The following TNNI3K variants were observed in gnomAD, a reference collection of about 807,000 sequenced individuals.
TNNI3K encodes the protein TNNI3 interacting kinase.
In TNNI3K, 140 loss-of-function variants were observed where a neutral mutation model predicts 114.5. That is an observed-to-expected ratio of 1.22 (90% confidence interval 1.07 to 1.41). The LOEUF is 1.41. Ranked by LOEUF, TNNI3K falls within the 40% of genes most tolerant of loss-of-function variation. The pLI, the probability that TNNI3K is intolerant of heterozygous loss-of-function variation, is 0.00. For synonymous variants in TNNI3K, 347 were observed against 347.5 expected (o/e 1.00, Z 0.02); for missense variants, 1,125 against 1,007.6 (o/e 1.12, Z -1.58).
intron 5 of TNNI3K, among the ~76,000 whole-genome samples, chr1:74,291,885 C>T (rs1657698277): frequency 6.6e-6 from 1 of 151,484 alleles, no homozygotes; most frequent in Admixed American, 6.6e-5. Context: ...TGTCTCAACA[C>T]CTTTTATTAA....
chr1:74,454,325 A>G (rs543714619), intron 20 of TNNI3K, among the ~76,000 whole-genome samples: 8 of 152,220 alleles, frequency 5.3e-5, no homozygotes, highest in African/African-American at 1.9e-4. Flanking sequence ...ATTTTATCTA[A>G]CTGTACTTTT....
Position 74,370,299 on chromosome 1 carries a change from T to G in TNNI3K, c.1679T>G (p.Leu560Trp), listed in dbSNP as rs2100522840. ...TTTTTAAATTCTAGGATTCTTGATT[T>G]GCAGTCTAAATTAATTATTGCAGTA... Reference protein sequence around the residue: ...LLHEQKRILDLQSKLIIAVDV... With the variant: ...LLHEQKRILDWQSKLIIAVDV... Residue 560 changes from leucine to tryptophan, a missense_variant, in exon 17 of 25, where the codon TTG (leucine) becomes TGG (tryptophan). Leu to Trp is a moderately conservative substitution (Grantham distance 61). Transcript: ENST00000326637. 6.3e-7 allele frequency: 1 copy of G among 1,593,488 alleles called. No individual in the cohort carries two copies. The highest frequency in any genetic ancestry group is 1.3e-5 in the African/African-American group (1 of 74,196).
intron 23 of TNNI3K, among the ~76,000 whole-genome samples, chr1:74,525,453 C>T (rs1022244424): frequency 2.0e-5 from 3 of 152,132 alleles, no homozygotes; most frequent in Non-Finnish European, 4.4e-5. Flanking sequence ...CAGTCTGATT[C>T]ACACCCTGAG....
chr1:74,484,870 G>A (rs1477361924), intron 21 of TNNI3K, among the ~76,000 whole-genome samples: 1 of 152,188 alleles, frequency 6.6e-6, no homozygotes, highest in Non-Finnish European at 1.5e-5. Flanking sequence ...TTTAACTACT[G>A]AGTTGGGAAC....
intron 5 of TNNI3K, among the ~76,000 whole-genome samples, chr1:74,315,131 CAG>C (rs1227217556): frequency 1.3e-5 from 2 of 152,008 alleles, no homozygotes; most frequent in Non-Finnish European, 2.9e-5. Context: ...TATTCATGGA[CAG>C]AAATTAGGTT....
At chr1:74,340,524 G>C (rs1195976420) in intron 7 of TNNI3K, among the ~76,000 whole-genome samples, 1 of 152,084 alleles carries the variant, frequency 6.6e-6, no homozygotes, top group Admixed American at 6.6e-5. Context: ...ATTTGTCCTG[G>C]CTTGTTCCTT....
intron 17 of TNNI3K, among the ~76,000 whole-genome samples, chr1:74,379,195 C>T (rs911191289): frequency 6.6e-6 from 1 of 151,794 alleles, no homozygotes; most frequent in African/African-American, 2.4e-5. Flanking sequence ...CTCATTATGA[C>T]TATGTCCCTG....
chr1:74,271,608 A>C lies in TNNI3K; in HGVS notation c.344A>C (p.Glu115Ala). Residue 115 changes from glutamate to alanine, a missense_variant, in exon 5 of 25, where the codon GAA (glutamate) becomes GCA (alanine). Coordinates refer to ENST00000326637, the MANE Select transcript of TNNI3K (RefSeq NM_015978.3). ...TATGTTTCCTTACAGGATAATGCAG[A>C]ATTGATCACTTCTCTGCTTCACAGT... is the stretch of plus-strand genomic sequence containing the variant. ...LHLAVYKDNA[E>A]LITSLLHSGA... 1 of 1,604,642 alleles carries C rather than the reference A, an allele frequency of 6.2e-7. No individual in the cohort carries two copies. The highest frequency in any genetic ancestry group is 8.5e-7 in the Non-Finnish European group (1 of 1,174,882).
At chr1:74,460,104 C>G (rs1209052396) in intron 20 of TNNI3K, among the ~76,000 whole-genome samples, 2 of 150,014 alleles carry the variant, frequency 1.3e-5, no homozygotes, top group Non-Finnish European at 3.0e-5. Context: ...GAGACGGAGT[C>G]TTGCTCTGTC....
chr1:74,352,695 C>T (rs1208773961), intron 9 of TNNI3K, among the ~76,000 whole-genome samples: 1 of 152,162 alleles, frequency 6.6e-6, no homozygotes, highest in Non-Finnish European at 1.5e-5. Context: ...GCCTCGCTGC[C>T]ACCTTGTAGT....
chr1:74,472,115 C>A, intron 21 of TNNI3K: 2 of 717,158 alleles, frequency 2.8e-6, no homozygotes, highest in South Asian at 1.5e-5. Flanking sequence ...TGCCATGATT[C>A]ATTTGTTAAA....
intron 23 of TNNI3K, among the ~76,000 whole-genome samples, chr1:74,511,908 G>A (rs1253973531): frequency 1.3e-5 from 2 of 152,208 alleles, no homozygotes; most frequent in African/African-American, 2.4e-5. Flanking sequence ...AAAGGGTTGA[G>A]TGTGGGTAGA....
At chr1:74,362,215 T>C (rs1456628785) in intron 11 of TNNI3K, among the ~76,000 whole-genome samples, 2 of 152,168 alleles carry the variant, frequency 1.3e-5, no homozygotes, top group African/African-American at 4.8e-5. Flanking sequence ...AAGTGAGTTT[T>C]TAACATAATG....
intron 17 of TNNI3K, among the ~76,000 whole-genome samples, chr1:74,409,951 C>T (rs1362107241): frequency 2.0e-5 from 3 of 152,114 alleles, no homozygotes; most frequent in African/African-American, 7.2e-5. Context: ...CCAACTGATT[C>T]AGTGATTACT....
chr1:74,497,980 G>C (rs548209151), intron 23 of TNNI3K, among the ~76,000 whole-genome samples: 3 of 152,156 alleles, frequency 2.0e-5, no homozygotes, highest in Non-Finnish European at 2.9e-5. Context: ...ACTGTGGGAG[G>C]CTTTTTTGTT....
intron 5 of TNNI3K, among the ~76,000 whole-genome samples, chr1:74,308,061 A>C (rs1467070951): frequency 6.6e-6 from 1 of 151,846 alleles, no homozygotes; most frequent in Non-Finnish European, 1.5e-5. Context: ...AATAGTAATA[A>C]TAGTGGAGGA....
At chr1:74,345,105 A>G (rs1388641295) in intron 9 of TNNI3K, among the ~76,000 whole-genome samples, 1 of 152,154 alleles carries the variant, frequency 6.6e-6, no homozygotes, top group Non-Finnish European at 1.5e-5. Flanking sequence ...ATATGTGCAT[A>G]TATTCAGAAC....
chr1:74,397,251 CAGAA>C (rs1664133982), intron 17 of TNNI3K, among the ~76,000 whole-genome samples: 1 of 151,258 alleles, frequency 6.6e-6, no homozygotes, highest in African/African-American at 2.4e-5. Flanking sequence ...CTGAAAAAGA[CAGAA>C]ATTAAAGAGA....
intron 21 of TNNI3K, chr1:74,471,061 T>C: frequency 5.0e-6 from 2 of 400,700 alleles, no homozygotes; most frequent in Middle Eastern, 6.2e-4. Flanking sequence ...GAATTGAGAA[T>C]GTGAGTGCCT....
Sources: gnomAD v4.1 joint callset for allele counts (sites outside exome capture counted in the v4.1 genomes callset) on GRCh38, gnomAD v4.1.1 for gene constraint, MANE v1.5 for transcripts, NCBI Gene and HGNC (gene_info 2026-07-23, HGNC 2026-07-21) for gene names.